SCNN1B: variants seen among roughly 807,000 people sequenced by gnomAD.
SCNN1B encodes the protein sodium channel epithelial 1 subunit beta.
In SCNN1B, 46 loss-of-function variants were observed where a neutral mutation model predicts 65.3. The ratio of observed to expected loss-of-function variants is 0.70; its 90% CI spans 0.56 to 0.90. The LOEUF (loss-of-function observed/expected upper bound fraction) is 0.90. Ranked by LOEUF, SCNN1B falls within the 40% of genes least tolerant of loss-of-function variation. SCNN1B has a pLI of 0.00. For synonymous variants in SCNN1B, 349 were observed against 330.6 expected (o/e 1.06, Z -0.60); for missense variants, 751 against 830.5 (o/e 0.90, Z 1.18).
intron 2 of SCNN1B, among the ~76,000 whole-genome samples, chr16:23,284,872 A>G (rs943165536): frequency 6.6e-6 from 1 of 152,202 alleles, no homozygotes; most frequent in African/African-American, 2.4e-5. Flanking sequence ...TACTTTTTAA[A>G]TGTTGGCAAA....
intron 1 of SCNN1B, among the ~76,000 whole-genome samples, chr16:23,322,038 A>T (rs1253750294): frequency 6.6e-6 from 1 of 152,096 alleles, no homozygotes; most frequent in Non-Finnish European, 1.5e-5. Flanking sequence ...TAATAATAAT[A>T]GATATTAATT....
At position 23,351,894 on chromosome 16, in the gene SCNN1B, AC is replaced by A. The variant is rs1165254930; in HGVS notation, c.312-902del. On this transcript the variant is annotated intron_variant, in intron 2 of 12. Coordinates refer to ENST00000343070, the MANE Select transcript of SCNN1B (RefSeq NM_000336.3). ...TCCCCCCTGGGAGGGAGATCTCAGA[AC>A]CCCCATAAACATACCCACTGGAGCC... Among the ~76,000 whole-genome samples, 3 of 151,900 alleles carry A rather than the reference AC, an allele frequency of 2.0e-5. No individual in the cohort carries two copies. In the East Asian group the frequency reaches 5.8e-4, roughly 29 times the overall value.
rs1188285805 is a variant in SCNN1B, at chr16:23,371,740, A to T, written c.1045-36A>T. ...GGTGCAGAAAGGGCTTCCTGGGGTG[A>T]CCAGTGTCCCCCTCAAGCAACCCCT... On this transcript the variant is annotated intron_variant, in intron 6 of 12. Coordinates refer to ENST00000343070, the MANE Select transcript of SCNN1B (RefSeq NM_000336.3). 3.3e-6 allele frequency: 5 copies of T among 1,527,840 alleles called. No homozygotes were observed. The South Asian group carries it at 5.6e-5, about 17-fold the overall frequency. The allele number at this position is 1,527,840 out of a possible 1,614,324, so 94.6% of individuals were successfully genotyped here.
chr16:23,294,729 A>G (rs1395731737), intron 2 of SCNN1B, among the ~76,000 whole-genome samples: 2 of 152,144 alleles, frequency 1.3e-5, no homozygotes, highest in Non-Finnish European at 2.9e-5. Flanking sequence ...ACGGTGGCTC[A>G]TGCCTGTTAT....
At chr16:23,281,278 G>A (rs1960780194) in intron 1 of SCNN1B, among the ~76,000 whole-genome samples, 1 of 152,020 alleles carries the variant, frequency 6.6e-6, no homozygotes, top group Non-Finnish European at 1.5e-5. Flanking sequence ...ACTAAAAATA[G>A]GAAAATGAGC....
chr16:23,323,466 C>A, intron 1 of SCNN1B: 1 of 695,366 alleles, frequency 1.4e-6, no homozygotes, highest in Non-Finnish European at 2.6e-6. Flanking sequence ...TCTCTCCATG[C>A]CAGACACTGT....
At position 23,375,766 on chromosome 16, in the gene SCNN1B, A is replaced by G; in HGVS notation, c.1181A>G (p.His394Arg). ...TGTCTTCGCTCCTGCTTCCAAGACC[A>G]CATGATCCGTAACTGCAACTGTGGC... ...QACLRSCFQDHMIRNCNCGHY... is the reference protein window; with the variant it reads ...QACLRSCFQDRMIRNCNCGHY... Residue 394 changes from histidine (H) to arginine (R), a missense_variant, in exon 8 of 13, where the codon CAC becomes CGC. By Grantham distance (29) the His-to-Arg change is conservative. Transcript: ENST00000343070. 6.2e-7 allele frequency: 1 copy of G among 1,614,044 alleles called. No homozygotes were observed. The highest frequency in any genetic ancestry group is 8.5e-7 in the Non-Finnish European group (1 of 1,179,926).
chr16:23,336,180 C>G (rs1414038899), intron 1 of SCNN1B, among the ~76,000 whole-genome samples: 1 of 152,198 alleles, frequency 6.6e-6, no homozygotes, highest in Non-Finnish European at 1.5e-5. Flanking sequence ...GTAAGTCCCT[C>G]TGAGTCCCTC....
At position 23,310,290 on chromosome 16, in the gene SCNN1B, C is replaced by CAA. The variant is rs202228096; in HGVS notation, c.-9+7875_-9+7876dup. Reference sequence around the variant, plus strand: ...TAAAAGTTAGTATGTTCTGCATGACCAAAAAAAAAAAAAAAAAAAAAAACC... The same window carrying CAA: ...TAAAAGTTAGTATGTTCTGCATGACCAAAAAAAAAAAAAAAAAAAAAAAAACC... On this transcript the variant is annotated intron_variant, in intron 1 of 12. Transcript: ENST00000343070. 8.0e-3 allele frequency among the ~76,000 whole-genome samples: 741 copies of CAA among 92,736 alleles called. 1 individual carries two copies. Among genetic ancestry groups the CAA allele is most frequent in the Middle Eastern group, 0.027 (5 of 184 alleles). 60.8% of individuals were successfully genotyped at this position (92,736 alleles called of 152,430 possible). A position where few individuals can be genotyped will look rare whatever the true frequency, so the allele number is the denominator to read the frequency against.
intron 1 of SCNN1B, among the ~76,000 whole-genome samples, chr16:23,313,857 A>T (rs1396401548): frequency 2.0e-5 from 3 of 152,150 alleles, no homozygotes; most frequent in Admixed American, 2.0e-4. Context: ...TGATCTGCCC[A>T]CCTTGGCCTC....
chr16:23,371,597 C>T (rs973869887), intron 6 of SCNN1B, 135 bp downstream of exon 6: 3 of 1,092,470 alleles, frequency 2.7e-6, no homozygotes, highest in African/African-American at 1.6e-5. Flanking sequence ...TGGCTGGAAT[C>T]CCCCCAGGGT....
intron 4 of SCNN1B, among the ~76,000 whole-genome samples, chr16:23,358,807 C>T (rs1396794412): frequency 2.0e-5 from 3 of 152,118 alleles, no homozygotes; most frequent in Admixed American, 6.5e-5. Context: ...CTCAGGTGAC[C>T]GAGGCACGAG....
intron 2 of SCNN1B, among the ~76,000 whole-genome samples, chr16:23,291,304 C>A (rs1176894969): frequency 6.6e-6 from 1 of 152,104 alleles, no homozygotes; most frequent in Non-Finnish European, 1.5e-5. Context: ...CTCAAGTGAT[C>A]CACCTGCCTC....
chr16:23,371,357 G>T lies in SCNN1B; in HGVS notation c.939G>T (p.Thr313=). 6.2e-7 allele frequency: 1 copy of T among 1,614,144 alleles called. No individual in the cohort carries two copies. ...ACTACGTCCCCTTCCTTGCGTCCAC[G>T]GCCGGGGTCAGGCTGATGCTTCACG... ...QEDYVPFLAS[T]AGVRLMLHEQ... The change falls in exon 6 of 13, where the codon ACG becomes ACT. Residue 313 remains threonine, a synonymous_variant. Transcript: ENST00000343070.
upstream of SCNN1B, among the ~76,000 whole-genome samples, chr16:23,298,563 T>TTCATGGAGA (rs1292148603): frequency 6.6e-6 from 1 of 152,238 alleles, no homozygotes; most frequent in Non-Finnish European, 1.5e-5. Context: ...GAGGTGCTGT[T>TTCATGGAGA]GGTGCCTCTT....
At chr16:23,378,606 G>A in intron 10 of SCNN1B, 100 bp from the exon 11 acceptor site, 3 of 1,082,616 alleles carry the variant, frequency 2.8e-6, no homozygotes, top group Non-Finnish European at 4.3e-6. Context: ...GGGGCCTCAG[G>A]AAGGGACAGG....
In SCNN1B at chr16:23,339,122, T is replaced by A. The variant is rs1167953860; in HGVS notation, c.-8-9470T>A. ...TCTAGGGGTTCATATAATGGAATTCTATAGTATGTATTCTTACGTGTTTAG... is the reference window on the plus strand; with the variant it reads ...TCTAGGGGTTCATATAATGGAATTCAATAGTATGTATTCTTACGTGTTTAG... On this transcript the variant is annotated intron_variant, in intron 1 of 12. Transcript: ENST00000343070. Among the ~76,000 whole-genome samples, 6 of 152,384 alleles carry A rather than the reference T, an allele frequency of 3.9e-5. No individual in the cohort carries two copies. The South Asian group carries it at 6.2e-4, about 16-fold the overall frequency.
At chr16:23,324,121 C>T (rs1017172391) in intron 1 of SCNN1B, among the ~76,000 whole-genome samples, 1 of 151,882 alleles carries the variant, frequency 6.6e-6, no homozygotes, top group Non-Finnish European at 1.5e-5. Flanking sequence ...GCCAAGATCA[C>T]ACAGCCACCC....
At chr16:23,336,086 T>G (rs1212527639) in intron 1 of SCNN1B, among the ~76,000 whole-genome samples, 1 of 152,178 alleles carries the variant, frequency 6.6e-6, no homozygotes, top group Non-Finnish European at 1.5e-5. Flanking sequence ...GTGCCCCGTC[T>G]GAGCTAGTAG....
Sources: gnomAD v4.1 joint callset for allele counts (sites outside exome capture counted in the v4.1 genomes callset) on GRCh38, gnomAD v4.1.1 for gene constraint, MANE v1.5 for transcripts, NCBI Gene and HGNC (gene_info 2026-07-23, HGNC 2026-07-21) for gene names.